DMPK: variants seen among roughly 807,000 people sequenced by gnomAD.
DMPK encodes the protein myotonin-protein kinase.
DMPK carries 32 observed loss-of-function variants against 70.3 expected under a neutral mutation model. That is an observed-to-expected ratio of 0.46 (90% CI 0.34 to 0.61). The LOEUF is 0.61. Ranked by LOEUF, DMPK falls within the 20% of genes least tolerant of loss-of-function variation. DMPK has a pLI of 0.01. For synonymous variants in DMPK, 469 were observed against 390.9 expected (o/e 1.20, Z -2.36); for missense variants, 899 against 886.0 (o/e 1.01, Z -0.19).
intron 4 of DMPK, chr19:45,778,973 G>A (rs1600443664): frequency 1.7e-6 from 1 of 577,086 alleles, no homozygotes. Context: ...CAGTGGCCCC[G>A]TTAGAATTCC....
Position 45,777,069 on chromosome 19 carries a change from G to A in DMPK, c.1146+258C>T. The A allele has an allele frequency of 2.2e-6, 1 of 457,050 alleles. No homozygotes were observed. The highest frequency in any genetic ancestry group is 3.7e-6 in the Non-Finnish European group (1 of 267,532). The allele number at this position is 457,050 out of a possible 1,614,324, so 28.3% of individuals were successfully genotyped here. ...CTCCAGGACCTTCCTTGCTGAGTCAGGAGTCCCCCACCCCCTGCACTCCAT... is the reference window on the plus strand; with the variant it reads ...CTCCAGGACCTTCCTTGCTGAGTCAAGAGTCCCCCACCCCCTGCACTCCAT... On this transcript the variant is annotated intron_variant, in intron 8 of 14. Transcript: ENST00000291270. This position sits in a 1 kb window ranked among gnomAD's most constrained non-coding sequence, Gnocchi z 6.7.
In DMPK at chr19:45,781,543, G is replaced by T. The variant is rs138961255; in HGVS notation, c.160+650C>A. 1.2e-4 allele frequency among the ~76,000 whole-genome samples: 19 copies of T among 152,246 alleles called. No individual in the cohort carries two copies. The East Asian group carries it at 3.7e-3, about 29-fold the overall frequency. On this transcript the variant is annotated intron_variant, in intron 1 of 14. Coordinates refer to ENST00000291270, the MANE Select transcript of DMPK (RefSeq NM_004409.5). ...CCGAGACTTTGGGGCTGGGGGTGGG[G>T]GTGGGTGCAGAACCTACAAAAGAAG...
At chr19:45,772,028 C>T (rs1249625242) in intron 10 of DMPK, 100 bp from the exon 11 acceptor site, 2 of 1,397,996 alleles carry the variant, frequency 1.4e-6, no homozygotes, top group South Asian at 1.5e-5. Flanking sequence ...TCCCCTACTC[C>T]TCCGTCCCCT....
intron 10 of DMPK, 49 bp downstream of exon 10, chr19:45,772,592 T>C: frequency 7.6e-7 from 1 of 1,324,476 alleles, no homozygotes; most frequent in Non-Finnish European, 1.0e-6. Context: ...GCCCTCACCT[T>C]TTCTCTCCCA....
intron 10 of DMPK, 24 bp downstream of exon 10, chr19:45,772,617 A>T: frequency 6.7e-7 from 1 of 1,484,128 alleles, no homozygotes; most frequent in Non-Finnish European, 9.1e-7. Flanking sequence ...TCCCTGACGG[A>T]CCCCCTCCCC....
intron 1 of DMPK, among the ~76,000 whole-genome samples, chr19:45,781,666 C>T (rs1366289608): frequency 6.6e-6 from 1 of 152,184 alleles, no homozygotes; most frequent in Non-Finnish European, 1.5e-5. Flanking sequence ...CCACAGGGCC[C>T]GCGTGAGTCA....
At chr19:45,779,951 G>C in intron 1 of DMPK, 82 bp from the exon 2 acceptor site, 1 of 1,601,384 alleles carries the variant, frequency 6.2e-7, no homozygotes, top group South Asian at 1.1e-5. Flanking sequence ...CCCTCTGTCT[G>C]TCTCCCCTTC....
At chr19:45,775,122 C>G in intron 8 of DMPK, 88 bp from the exon 9 acceptor site, 1 of 1,029,088 alleles carries the variant, frequency 9.7e-7, no homozygotes, top group South Asian at 1.4e-5. Flanking sequence ...CCCCCCAAAC[C>G]AGCCCCAACT....
rs993282538 is a variant in DMPK, at chr19:45,770,741, GCCCCGC to G, written c.1738-107_1738-102del. On this transcript the variant is annotated intron_variant, in intron 14 of 14. Coordinates refer to ENST00000291270, the MANE Select transcript of DMPK (RefSeq NM_004409.5). ...TAGGTGGGCCCGCACTCTTCCCTGC[GCCCCGC>G]CCCCGCCCCAACAGCCTACAGCTGT... 92 of 1,348,314 alleles carry G rather than the reference GCCCCGC, an allele frequency of 6.8e-5. No homozygotes were observed. In the Admixed American group the frequency reaches 1.5e-3, roughly 22 times the overall value. 83.5% of individuals were successfully genotyped at this position (1,348,314 alleles called of 1,614,324 possible).
chr19:45,780,419 T>C (rs767615534), intron 1 of DMPK: 75 of 1,364,444 alleles, frequency 5.5e-5, no homozygotes, highest in East Asian at 1.2e-4. Flanking sequence ...AAAGGTAGCA[T>C]GGTCACATAT....
At chr19:45,774,698 T>G (rs546885773) in intron 9 of DMPK, among the ~76,000 whole-genome samples, 1 of 152,326 alleles carries the variant, frequency 6.6e-6, no homozygotes, top group South Asian at 2.1e-4. Context: ...ACTACAGACG[T>G]AAAAGTTAAT....
At chr19:45,781,304 C>T (rs998013269) in intron 1 of DMPK, among the ~76,000 whole-genome samples, 10 of 152,160 alleles carry the variant, frequency 6.6e-5, no homozygotes, top group Middle Eastern at 3.2e-3. Context: ...CCAGTGAGCC[C>T]GAGTCCTGGG....
intron 4 of DMPK, 82 bp from the exon 5 acceptor site, chr19:45,778,723 A>G: frequency 7.0e-7 from 1 of 1,435,884 alleles, no homozygotes; most frequent in Admixed American, 2.0e-5. Flanking sequence ...CCCCTCCCAG[A>G]GACACCCCAT....
At chr19:45,772,617 AC>A in intron 10 of DMPK, 23 bp downstream of exon 10, 2 of 1,484,118 alleles carry the variant, frequency 1.3e-6, no homozygotes, top group Admixed American at 2.1e-5. Context: ...TCCCTGACGG[AC>A]CCCCTCCCCT....
rs779195244 is a variant in DMPK, at chr19:45,777,792, C to T, written c.757G>A (p.Gly253Ser). ...CAGTCACACTCGGGCCCGTAGCTGCCTGTCCCAGGCCCACCGCCCACAGCC... is the reference window on the plus strand; with the variant it reads ...CAGTCACACTCGGGCCCGTAGCTGCTTGTCCCAGGCCCACCGCCCACAGCC... ...LQAVGGGPGTGSYGPECDWWA... is the reference protein window; with the variant it reads ...LQAVGGGPGTSSYGPECDWWA... The change falls in exon 7 of 15, where the codon GGC becomes AGC. Residue 253 changes from glycine (G) to serine (S), a missense_variant. Coordinates refer to ENST00000291270, the MANE Select transcript of DMPK (RefSeq NM_004409.5). The surrounding 1 kb of genome is among the most constrained non-coding windows in gnomAD (Gnocchi z 6.7). The T allele has an allele frequency of 2.5e-6, 4 of 1,612,978 alleles. No homozygotes were observed. In the Admixed American group the frequency reaches 6.7e-5, roughly 27 times the overall value.
chr19:45,771,870 A>G lies in DMPK; in HGVS notation c.1403T>C (p.Leu468Pro), dbSNP rs1159923554. Residue 468 changes from leucine to proline, a missense_variant, in exon 11 of 15, where the codon CTG (leucine) becomes CCG (proline). Coordinates refer to ENST00000291270, the MANE Select transcript of DMPK (RefSeq NM_004409.5). ...PAAEAEAEVT[L>P]RELQEALEEE... is the part of the protein sequence containing the mutation. ...CTCCAGGGCTTCCTGGAGCTCCCGC[A>G]GCGTCACCTCGGCCTCAGCCTCTGC... 2 of 1,588,134 alleles carry G rather than the reference A, an allele frequency of 1.3e-6. No homozygotes were observed. The highest frequency in any genetic ancestry group is 4.6e-5 in the East Asian group (2 of 43,190).
intron 9 of DMPK, among the ~76,000 whole-genome samples, chr19:45,774,583 C>T (rs941378770): frequency 1.3e-5 from 2 of 152,062 alleles, no homozygotes; most frequent in African/African-American, 2.4e-5. Context: ...TTTTAAATGG[C>T]CTTATTGTTA....
intron 1 of DMPK, among the ~76,000 whole-genome samples, chr19:45,781,706 G>C (rs896115809): frequency 6.6e-6 from 1 of 152,222 alleles, no homozygotes; most frequent in Non-Finnish European, 1.5e-5. Flanking sequence ...GCACCTGTTG[G>C]GGCAGCTGGA....
At chr19:45,780,253 G>A (rs866476709) in intron 1 of DMPK, 1 of 1,493,642 alleles carries the variant, frequency 6.7e-7, no homozygotes, top group Non-Finnish European at 8.9e-7. Flanking sequence ...GGTGCAGCCA[G>A]GGCCCCACCC....
Sources: allele counts gnomAD v4.1 joint callset (sites outside exome capture counted in the v4.1 genomes callset), GRCh38; gene constraint gnomAD v4.1.1; non-coding constraint Gnocchi (gnomAD v3.1); transcripts MANE v1.5; gene names NCBI Gene and HGNC (gene_info 2026-07-23, HGNC 2026-07-21).